TNK2: variants seen among roughly 807,000 people sequenced by gnomAD.
TNK2 encodes activated CDC42 kinase 1.
In TNK2, 83 loss-of-function variants were observed where a neutral mutation model predicts 101.8. The ratio of observed to expected loss-of-function variants is 0.82; its 90% CI spans 0.68 to 0.98. TNK2 has a LOEUF of 0.98. TNK2 is among the 50% of genes least tolerant of loss of function. The pLI is 0.00. For synonymous variants in TNK2, 804 were observed against 633.0 expected (o/e 1.27, Z -4.06); for missense variants, 1,665 against 1,483.2 (o/e 1.12, Z -2.01).
rs1409084379 is a variant in TNK2, at chr3:195,866,957, C to T, written c.3093G>A (p.Glu1031=). Residue 1031 remains glutamate (E), a synonymous_variant, in exon 15 of 16, where the codon GAG becomes GAA. Transcript: ENST00000672887. ...RPRGECHKVL[E]MFDWNLEQAG... ...CCTGCTCCAGGTTCCAGTCGAACATCTCCAGCACTTTGTGGCACTCCCCTC... is the reference window on the plus strand; with the variant it reads ...CCTGCTCCAGGTTCCAGTCGAACATTTCCAGCACTTTGTGGCACTCCCCTC... The T allele has an allele frequency of 1.9e-6, 3 of 1,613,056 alleles. No homozygotes were observed. The highest frequency in any genetic ancestry group is 2.5e-6 in the Non-Finnish European group (3 of 1,179,884).
chr3:195,868,059 C>T lies in TNK2; in HGVS notation c.2239G>A (p.Gly747Arg). 6.2e-7 allele frequency: 1 copy of T among 1,602,464 alleles called. No individual in the cohort carries two copies. The highest frequency in any genetic ancestry group is 2.2e-5 in the East Asian group (1 of 44,506). ...GGCACCTGGGGCTTGTCGTCACCCC[C>T]CGGGCTGGGAGAGGGGGCCGGGGAG... ...AGSPAPSPSP[G>R]GDDKPQVPPR... Residue 747 changes from glycine to arginine, a missense_variant, in exon 13 of 16, where the codon GGG becomes AGG. Around this residue, in one of 3 missense-constraint regions of TNK2, gnomAD observed 1,136 missense variants for 894.9 expected, o/e 1.27. Coordinates refer to ENST00000672887, the MANE Select transcript of TNK2 (RefSeq NM_001382273.1).
chr3:195,874,450 G>A lies in TNK2; in HGVS notation c.1257-1980C>T, dbSNP rs74555607. ...CTCGAGAAAACATGCTTGCTCCTGG[G>A]GGAAGGAGAGTAAGAGTGCGGAGGA... On this transcript the variant is annotated intron_variant, in intron 9 of 15. Transcript: ENST00000672887. Among the ~76,000 whole-genome samples the A allele has an allele frequency of 0.024, 3,600 of 152,336 alleles. 227 individuals carry two copies. The East Asian group carries it at 0.24, about 10-fold the overall frequency.
chr3:195,903,040 G>A (rs950129478), intron 1 of TNK2, among the ~76,000 whole-genome samples: 7 of 149,958 alleles, frequency 4.7e-5, no homozygotes, highest in African/African-American at 7.4e-5. Context: ...GTGAGCCACC[G>A]CACCCGGCCA....
chr3:195,895,489 G>A, intron 1 of TNK2: 1 of 1,360,426 alleles, frequency 7.4e-7, no homozygotes, highest in Non-Finnish European at 9.4e-7. Flanking sequence ...GCGGCCGGGT[G>A]GTCGCGCCCC....
Position 195,888,677 on chromosome 3 carries a change from G to A in TNK2, c.-18-71C>T. 2 of 1,432,388 alleles carry A rather than the reference G, an allele frequency of 1.4e-6. No homozygotes were observed. Among genetic ancestry groups the A allele is most frequent in the Admixed American group, 4.2e-5 (2 of 47,254 alleles). The allele number at this position is 1,432,388 out of a possible 1,614,324, so 88.7% of individuals were successfully genotyped here. A position where few individuals can be genotyped will look rare whatever the true frequency, so the allele number is the denominator to read the frequency against. ...ACAGGGGCCTGCCCGAGTGACCTGG[G>A]CTCACCTTCATCCCACTACACGGCC... On this transcript the variant is annotated intron_variant, in intron 1 of 15. Transcript: ENST00000672887. This position sits in a 1 kb window ranked among gnomAD's most constrained non-coding sequence, Gnocchi z 5.3.
Position 195,863,966 on chromosome 3 carries a change from C to G in TNK2, c.*215G>C. On this transcript the variant is annotated 3_prime_UTR_variant, in exon 16 of 16. Coordinates refer to ENST00000672887, the MANE Select transcript of TNK2 (RefSeq NM_001382273.1). ...CCCTTCCACATCTTGGCAGGGGCAC[C>G]GGGACTGAACCAAAGTGTGCAGGGA... is the stretch of plus-strand genomic sequence containing the variant. 1 of 563,222 alleles carries G rather than the reference C, an allele frequency of 1.8e-6. No individual in the cohort carries two copies. The highest frequency in any genetic ancestry group is 2.6e-5 in the South Asian group (1 of 39,086). 34.9% of individuals were successfully genotyped at this position (563,222 alleles called of 1,614,324 possible). A position where few individuals can be genotyped will look rare whatever the true frequency, so the allele number is the denominator to read the frequency against.
intron 9 of TNK2, among the ~76,000 whole-genome samples, chr3:195,875,335 C>T (rs1370869577): frequency 2.3e-5 from 1 of 43,084 alleles, no homozygotes; most frequent in Non-Finnish European, 3.8e-5. Context: ...CAAGAAACTC[C>T]CCCTCGGGAT....
chr3:195,895,110 G>T, intron 1 of TNK2: 1 of 800,080 alleles, frequency 1.2e-6, no homozygotes, highest in Non-Finnish European at 1.8e-6. Context: ...TAAACACACC[G>T]CTCTCTGTCC....
At chr3:195,877,922 G>C (rs1374051718) in intron 9 of TNK2, among the ~76,000 whole-genome samples, 4 of 148,558 alleles carry the variant, frequency 2.7e-5, no homozygotes, top group Admixed American at 2.6e-4. Flanking sequence ...GAGAGAAGCG[G>C]GGAGGAGCAG....
intron 5 of TNK2, 120 bp downstream of exon 5, chr3:195,883,037 G>T: frequency 7.9e-7 from 1 of 1,260,232 alleles, no homozygotes; most frequent in Non-Finnish European, 1.1e-6. Flanking sequence ...ACTCCATCAG[G>T]TTGGGGGACC....
Position 195,867,436 on chromosome 3 carries a change from G to A in TNK2, c.2862C>T (p.Ala954=), listed in dbSNP as rs1486340917. 6.3e-7 allele frequency: 1 copy of A among 1,597,050 alleles called. No individual in the cohort carries two copies. Among genetic ancestry groups the A allele is most frequent in the South Asian group, 1.1e-5 (1 of 90,202 alleles). Residue 954 remains alanine, a synonymous_variant, in exon 13 of 16, where the codon GCC becomes GCT. Transcript: ENST00000672887. ...NPGARPPPPR[A]TARLPQRGCP... Reference sequence around the variant, plus strand: ...AGCCCCTCTGTGGCAGCCGAGCAGTGGCCCTCGGGGGTGGTGGCCGGGCCC... The same window carrying A: ...AGCCCCTCTGTGGCAGCCGAGCAGTAGCCCTCGGGGGTGGTGGCCGGGCCC...
chr3:195,872,192 C>T (rs1745940785), intron 10 of TNK2, 84 bp downstream of exon 10: 3 of 1,452,688 alleles, frequency 2.1e-6, no homozygotes, highest in South Asian at 1.3e-5. Context: ...GGGTGAAGAG[C>T]AGATTCCGCC....
Position 195,867,150 on chromosome 3 carries a change from G to A in TNK2, c.3033+19C>T, listed in dbSNP as rs374421191. 166 of 1,611,976 alleles carry A rather than the reference G, an allele frequency of 1.0e-4. No homozygotes were observed. Among genetic ancestry groups the A allele is most frequent in the Admixed American group, 2.0e-4 (12 of 59,982 alleles). ...CTTCAGGGTCCCTGAGAGCCAGAGTGAGCAGGAGGTGGCGGTACCTTCAGA... is the reference window on the plus strand; with the variant it reads ...CTTCAGGGTCCCTGAGAGCCAGAGTAAGCAGGAGGTGGCGGTACCTTCAGA... On this transcript the variant is annotated intron_variant, in intron 14 of 15. Coordinates refer to ENST00000672887, the MANE Select transcript of TNK2 (RefSeq NM_001382273.1).
At position 195,863,675 on chromosome 3, in the gene TNK2, TCA is replaced by T. The variant is rs1297409248; in HGVS notation, c.*504_*505del. 3 of 155,640 alleles carry T rather than the reference TCA, an allele frequency of 1.9e-5. No individual in the cohort carries two copies. The highest frequency in any genetic ancestry group is 4.3e-5 in the Non-Finnish European group (3 of 70,170). The allele number at this position is 155,640 out of a possible 1,614,324, so 9.6% of individuals were successfully genotyped here. ...TTCAAGTCCATGGTAAGGCCACAAG[TCA>T]CATTCTGCCCGACACCCCAGCTGCT... is the stretch of plus-strand genomic sequence containing the variant. On this transcript the variant is annotated 3_prime_UTR_variant, in exon 16 of 16. Coordinates refer to ENST00000672887, the MANE Select transcript of TNK2 (RefSeq NM_001382273.1).
Position 195,870,111 on chromosome 3 carries a change from T to TA in TNK2, c.1543+2dup. 1 of 1,425,922 alleles carries TA rather than the reference T, an allele frequency of 7.0e-7. No homozygotes were observed. Among genetic ancestry groups the TA allele is most frequent in the Non-Finnish European group, 9.3e-7 (1 of 1,080,290 alleles). 88.3% of individuals were successfully genotyped at this position (1,425,922 alleles called of 1,614,324 possible). A position where few individuals can be genotyped will look rare whatever the true frequency, so the allele number is the denominator to read the frequency against. On this transcript the variant is annotated splice_region_variant and intron_variant, in intron 11 of 15. Transcript: ENST00000672887. ...GGACACCAGGGAGCAGAGGGGCTCTTACTTTTCACCCCTCCTAGATGCTGG... is the reference window on the plus strand; with the variant it reads ...GGACACCAGGGAGCAGAGGGGCTCTTAACTTTTCACCCCTCCTAGATGCTGG...
At chr3:195,892,340 C>G in intron 1 of TNK2, 1 of 1,400,428 alleles carries the variant, frequency 7.1e-7, no homozygotes, top group South Asian at 1.4e-5. Flanking sequence ...TTGCTTTCTG[C>G]CTCTCAGTCA....
rs1475031162 is a variant in TNK2, at chr3:195,867,765, G to A, written c.2533C>T (p.Pro845Ser). The A allele has an allele frequency of 1.3e-6, 2 of 1,588,636 alleles. No individual in the cohort carries two copies. Among genetic ancestry groups the A allele is most frequent in the South Asian group, 1.1e-5 (1 of 88,244 alleles). Residue 845 changes from proline (P) to serine (S), a missense_variant, in exon 13 of 16, where the codon CCC becomes TCC. This residue lies in a region of TNK2 where 1,136 missense variants were observed against 894.9 expected (regional missense o/e 1.27). Transcript: ENST00000672887. ...GGGCCAGGGGCCTGGATCACCTGGGGGGTGGCGTACTTGGGGTCTGAGGCA... is the reference window on the plus strand; with the variant it reads ...GGGCCAGGGGCCTGGATCACCTGGGAGGTGGCGTACTTGGGGTCTGAGGCA... ...SFASDPKYAT[P>S]QVIQAPGPRA...
intron 6 of TNK2, 188 bp from the exon 7 acceptor site, chr3:195,879,363 T>C (rs1278374502): frequency 1.2e-5 from 9 of 772,182 alleles, no homozygotes; most frequent in African/African-American, 3.5e-5. Context: ...CTTGGGGAAA[T>C]CGTCTAAGCC....
At position 195,882,773 on chromosome 3, in the gene TNK2, G is replaced by C. The variant is rs55800940; in HGVS notation, c.609+384C>G. On this transcript the variant is annotated intron_variant, in intron 5 of 15. Coordinates refer to ENST00000672887, the MANE Select transcript of TNK2 (RefSeq NM_001382273.1). The surrounding 1 kb of genome is among the most constrained non-coding windows in gnomAD (Gnocchi z 4.2). ...CTTGGAAGCCTGAGGCAGGAATATCGCGTGAACCCAGGAGGCCGAGGTTGC... is the reference window on the plus strand; with the variant it reads ...CTTGGAAGCCTGAGGCAGGAATATCCCGTGAACCCAGGAGGCCGAGGTTGC... 1.1e-4 allele frequency among the ~76,000 whole-genome samples: 16 copies of C among 152,286 alleles called. No homozygotes were observed. In the East Asian group the frequency reaches 3.1e-3, roughly 29 times the overall value.
Sources: allele counts gnomAD v4.1 joint callset (sites outside exome capture counted in the v4.1 genomes callset), GRCh38; gene constraint gnomAD v4.1.1; regional missense constraint gnomAD v4.1.1; non-coding constraint Gnocchi (gnomAD v3.1); transcripts MANE v1.5; gene names NCBI Gene and HGNC (gene_info 2026-07-23, HGNC 2026-07-21).